Variants in MYO5B observed in about 807,000 individuals in gnomAD.
MYO5B encodes myosin VB.
Under a neutral mutation model 229.3 loss-of-function variants are expected in MYO5B, and 143 were observed. The observed-to-expected ratio is 0.62, with a 90% CI of 0.54 to 0.72. The LOEUF (loss-of-function observed/expected upper bound fraction) is 0.72, where lower values mean the gene tolerates loss of function less well. Among genes scored for constraint, MYO5B ranks in the 30% least tolerant of loss-of-function variants. The probability of loss-of-function intolerance (pLI) is 0.00; values close to 1 mark genes in which losing one functional copy is unlikely to be tolerated. For synonymous variants in MYO5B, 918 were observed against 885.2 expected (o/e 1.04, Z -0.66); for missense variants, 2,321 against 2,331.0 (o/e 1.00, Z 0.09).
rs941261684 is a variant in MYO5B, at chr18:49,981,181, G to A, written c.947-628C>T. Among the ~76,000 whole-genome samples the A allele has an allele frequency of 5.3e-5, 8 of 152,194 alleles. No individual in the cohort carries two copies. The South Asian group carries it at 8.3e-4, about 16-fold the overall frequency. On this transcript the variant is annotated intron_variant, in intron 8 of 39. Transcript: ENST00000285039. ...TGTCAGATTTGTTATTTACCTATAC[G>A]AATCATCAAAGGCATGGATAATCTC...
At chr18:49,847,015 C>T in intron 33 of MYO5B, 131 bp downstream of exon 33, 1 of 1,142,736 alleles carries the variant, frequency 8.8e-7, no homozygotes, top group Non-Finnish European at 1.2e-6. Flanking sequence ...GGTGCAAGGG[C>T]AAGTAGGAGA....
At chr18:50,100,030 G>T (rs549945664) in intron 1 of MYO5B, among the ~76,000 whole-genome samples, 57 of 152,276 alleles carry the variant, frequency 3.7e-4, no homozygotes, top group African/African-American at 1.3e-3. Context: ...CACTATAGGT[G>T]CCTTCCAAGC....
chr18:49,967,061 T>C (rs921342922), intron 10 of MYO5B, among the ~76,000 whole-genome samples: 6 of 152,208 alleles, frequency 3.9e-5, no homozygotes, highest in African/African-American at 1.4e-4. Flanking sequence ...ATTTCTCTTG[T>C]AAAATCAGTG....
intron 27 of MYO5B, among the ~76,000 whole-genome samples, chr18:49,865,665 C>G (rs142151227): frequency 6.6e-6 from 1 of 152,200 alleles, no homozygotes; most frequent in African/African-American, 2.4e-5. Flanking sequence ...GGAGTGAGAA[C>G]AGCTGGTGGC....
chr18:50,008,376 T>C (rs1368506157), intron 4 of MYO5B, among the ~76,000 whole-genome samples: 1 of 152,206 alleles, frequency 6.6e-6, no homozygotes, highest in East Asian at 1.9e-4. Context: ...GTCTGGCACC[T>C]GGATTTTAAG....
At chr18:50,158,172 G>A (rs1327426501) in intron 1 of MYO5B, among the ~76,000 whole-genome samples, 2 of 152,204 alleles carry the variant, frequency 1.3e-5, no homozygotes, top group Non-Finnish European at 2.9e-5. Context: ...TAAGCAAGCT[G>A]TATTACTTTT....
intron 1 of MYO5B, among the ~76,000 whole-genome samples, chr18:50,106,438 G>A (rs958068378): frequency 6.6e-6 from 1 of 152,124 alleles, no homozygotes; most frequent in African/African-American, 2.4e-5. Flanking sequence ...TCATCATCTG[G>A]CCTTCATCAT....
chr18:50,119,279 T>C (rs1027279111), intron 1 of MYO5B, among the ~76,000 whole-genome samples: 3 of 152,216 alleles, frequency 2.0e-5, no homozygotes, highest in Non-Finnish European at 2.9e-5. Context: ...ACAGCATTTA[T>C]ATTGATTTTA....
At chr18:49,994,219 G>A (rs190159686) in intron 5 of MYO5B, among the ~76,000 whole-genome samples, 7 of 152,202 alleles carry the variant, frequency 4.6e-5, no homozygotes, top group South Asian at 2.1e-4. Context: ...GCCCATATGC[G>A]GTTAACCCTC....
chr18:49,843,848 C>T (rs1333969660), intron 33 of MYO5B, among the ~76,000 whole-genome samples: 1 of 152,206 alleles, frequency 6.6e-6, no homozygotes, highest in Non-Finnish European at 1.5e-5. Flanking sequence ...CAGAATTAGA[C>T]AAATTGTATG....
chr18:49,922,926 G>C (rs1480354724), intron 17 of MYO5B, among the ~76,000 whole-genome samples: 1 of 152,218 alleles, frequency 6.6e-6, no homozygotes, highest in Non-Finnish European at 1.5e-5. Context: ...CGGATTCGCA[G>C]CAAGGTGGAA....
chr18:49,862,833 G>A (rs1004121415), intron 29 of MYO5B, among the ~76,000 whole-genome samples: 1 of 152,130 alleles, frequency 6.6e-6, no homozygotes, highest in African/African-American at 2.4e-5. Context: ...GACACACACT[G>A]CATGCATGAG....
rs749018115 is a variant in MYO5B, at chr18:49,902,838, C to T, written c.2572-5G>A. On this transcript the variant is annotated splice_polypyrimidine_tract_variant and splice_region_variant and intron_variant, in intron 20 of 39. Transcript: ENST00000285039. ...GGCCTTGTGCTCCATGAGGACCTGG[C>T]GGGAAACAAGGATACACATCTTGTG... 40 of 1,598,848 alleles carry T rather than the reference C, an allele frequency of 2.5e-5. No individual in the cohort carries two copies. Among genetic ancestry groups the T allele is most frequent in the East Asian group, 1.3e-4 (6 of 44,848 alleles).
At position 49,987,947 on chromosome 18, in the gene MYO5B, A is replaced by G. The variant is rs144412602; in HGVS notation, c.838+2492T>C. The stretch of plus-strand genomic sequence containing the variant: ...GACCTTGGCCTGTATGGTTTTTACC[A>G]TCATTTATTCACACCTTAACAAATT... On this transcript the variant is annotated intron_variant, in intron 7 of 39. Coordinates refer to ENST00000285039, the MANE Select transcript of MYO5B (RefSeq NM_001080467.3). 7.2e-3 allele frequency among the ~76,000 whole-genome samples: 1,092 copies of G among 152,270 alleles called. 14 individuals are homozygous for G. Among genetic ancestry groups the G allele is most frequent in the South Asian group, 0.05 (241 of 4,818 alleles).
At chr18:49,993,617 C>A (rs1279912176) in intron 5 of MYO5B, among the ~76,000 whole-genome samples, 2 of 152,120 alleles carry the variant, frequency 1.3e-5, no homozygotes, top group Non-Finnish European at 2.9e-5. Flanking sequence ...CCTCCATTCA[C>A]CACCCTCCGA....
intron 17 of MYO5B, among the ~76,000 whole-genome samples, 190 bp downstream of exon 17, chr18:49,929,322 C>T (rs1287887183): frequency 6.6e-6 from 1 of 152,174 alleles, no homozygotes; most frequent in Non-Finnish European, 1.5e-5. Flanking sequence ...GATGTGACTG[C>T]TAACCTTCCC....
chr18:50,138,026 G>A (rs1195665681), intron 1 of MYO5B, among the ~76,000 whole-genome samples: 3 of 152,036 alleles, frequency 2.0e-5, no homozygotes, highest in East Asian at 3.9e-4. Flanking sequence ...ATAACTACTG[G>A]GTACTGGGCT....
intron 6 of MYO5B, among the ~76,000 whole-genome samples, chr18:49,991,291 C>T (rs2025929752): frequency 6.6e-6 from 1 of 152,136 alleles, no homozygotes; most frequent in Non-Finnish European, 1.5e-5. Context: ...ATGGAGATGT[C>T]ACCAAGAAAC....
Position 49,839,290 on chromosome 18 carries a change from A to G in MYO5B, c.4706T>C (p.Phe1569Ser). The G allele has an allele frequency of 4.3e-6, 7 of 1,613,764 alleles. No homozygotes were observed. The highest frequency in any genetic ancestry group is 5.1e-6 in the Non-Finnish European group (6 of 1,180,032). The change falls in exon 36 of 40, where the codon TTC becomes TCC. Residue 1569 changes from phenylalanine to serine, a missense_variant. By Grantham distance (155) the Phe-to-Ser change is radical. Coordinates refer to ENST00000285039, the MANE Select transcript of MYO5B (RefSeq NM_001080467.3). ...CLKQYSGDEG[F>S]MTQNTAKQNE... ...CTGCTTTGCAGTGTTCTGAGTCATG[A>G]AGCCCTGCAGAGGGAGAGGCGTGCA...
Sources: gnomAD v4.1 joint callset for allele counts (sites outside exome capture counted in the v4.1 genomes callset) on GRCh38, gnomAD v4.1.1 for gene constraint, MANE v1.5 for transcripts, NCBI Gene and HGNC (gene_info 2026-07-23, HGNC 2026-07-21) for gene names.